KCNAB1: variants seen among roughly 807,000 people sequenced by gnomAD.
KCNAB1 encodes the protein voltage-gated potassium channel subunit beta-1.
In KCNAB1, 35 loss-of-function variants were observed where a neutral mutation model predicts 64.6. That is an observed-to-expected ratio of 0.54 (90% CI 0.41 to 0.72). The LOEUF (loss-of-function observed/expected upper bound fraction) is 0.72, where lower values mean the gene tolerates loss of function less well. Ranked by LOEUF, KCNAB1 falls within the 30% of genes least tolerant of loss-of-function variation. The pLI is 0.00. For synonymous variants in KCNAB1, 177 were observed against 183.8 expected (o/e 0.96, Z 0.30); for missense variants, 401 against 512.9 (o/e 0.78, Z 2.11).
intron 13 of KCNAB1, 82 bp downstream of exon 13, chr3:156,531,579 C>A (rs556893817): frequency 2.9e-6 from 3 of 1,020,844 alleles, no homozygotes; most frequent in South Asian, 1.3e-5. Flanking sequence ...CATCTCTCCC[C>A]CTCTCTGTCC....
chr3:156,239,252 G>T (rs1352372306), intron 1 of KCNAB1, among the ~76,000 whole-genome samples: 1 of 152,138 alleles, frequency 6.6e-6, no homozygotes. Flanking sequence ...TCTTTCTTGG[G>T]TATTTTGTGG....
intron 2 of KCNAB1, among the ~76,000 whole-genome samples, chr3:156,450,850 T>C (rs1359893221): frequency 7.0e-6 from 1 of 142,588 alleles, no homozygotes; most frequent in Non-Finnish European, 1.5e-5. Flanking sequence ...CTGGATACAC[T>C]TCCCATCCAC....
intron 1 of KCNAB1, among the ~76,000 whole-genome samples, chr3:156,158,532 G>GT (rs1039760662): frequency 2.4e-4 from 37 of 151,712 alleles, no homozygotes; most frequent in South Asian, 1.5e-3. Context: ...GATATAACTT[G>GT]TTTTTTTTGC....
At chr3:156,162,615 G>A (rs1181785749) in intron 1 of KCNAB1, among the ~76,000 whole-genome samples, 1 of 152,174 alleles carries the variant, frequency 6.6e-6, no homozygotes, top group African/African-American at 2.4e-5. Context: ...ATAGACCTGT[G>A]ATGTCTGTGA....
chr3:156,225,729 A>C (rs992019019), intron 1 of KCNAB1, among the ~76,000 whole-genome samples: 2 of 152,222 alleles, frequency 1.3e-5, no homozygotes, highest in Non-Finnish European at 2.9e-5. Flanking sequence ...AAAGTTTCAG[A>C]ATACAAAATT....
intron 1 of KCNAB1, among the ~76,000 whole-genome samples, chr3:156,186,097 A>G (rs2108353639): frequency 6.6e-6 from 1 of 152,356 alleles, no homozygotes; most frequent in Middle Eastern, 3.4e-3. Context: ...TCAATTGGCC[A>G]CAAGTCTCCA....
chr3:156,306,293 G>C (rs534686016), intron 1 of KCNAB1, among the ~76,000 whole-genome samples: 48 of 152,256 alleles, frequency 3.2e-4, no homozygotes, highest in Admixed American at 5.9e-4. Context: ...GTAGCCAGGA[G>C]ACTGAATAGT....
chr3:156,252,826 C>A (rs546084074), intron 1 of KCNAB1, among the ~76,000 whole-genome samples: 1 of 152,158 alleles, frequency 6.6e-6, no homozygotes, highest in Non-Finnish European at 1.5e-5. Context: ...CTTTCCAACG[C>A]GCATTGTCTT....
intron 1 of KCNAB1, chr3:156,227,975 A>G (rs1189958499): frequency 6.6e-6 from 1 of 152,372 alleles, no homozygotes; most frequent in Non-Finnish European, 1.5e-5. Flanking sequence ...GTGGAATCCT[A>G]GAGGCACGGG....
Position 156,474,813 on chromosome 3 carries a change from C to T in KCNAB1, c.651C>T (p.Pro217=), listed in dbSNP as rs148650202. 31 of 1,611,204 alleles carry T rather than the reference C, an allele frequency of 1.9e-5. No homozygotes were observed. The Middle Eastern group carries it at 9.9e-4, about 51-fold the overall frequency. Residue 217 remains proline (P), a synonymous_variant, in exon 8 of 14, where the codon CCC becomes CCT. Coordinates refer to ENST00000490337, the MANE Select transcript of KCNAB1 (RefSeq NM_172160.3). ...CAAATCGACCGGACAGTAACACTCCCATGGAAGGTAAGTTAAGAAAGCTAA... is the reference window on the plus strand; with the variant it reads ...CAAATCGACCGGACAGTAACACTCCTATGGAAGGTAAGTTAAGAAAGCTAA... ...VFANRPDSNT[P]MEEIVRAMTH... is the part of the protein sequence containing the mutation.
chr3:156,314,323 A>G (rs982869828), intron 1 of KCNAB1, among the ~76,000 whole-genome samples: 1 of 152,218 alleles, frequency 6.6e-6, no homozygotes, highest in African/African-American at 2.4e-5. Flanking sequence ...TTGGGTTGTT[A>G]CTATGTGTCA....
At chr3:156,527,189 TA>T (rs952030440) in intron 12 of KCNAB1, among the ~76,000 whole-genome samples, 1 of 152,228 alleles carries the variant, frequency 6.6e-6, no homozygotes, top group African/African-American at 2.4e-5. Context: ...TTAGCAACTC[TA>T]CAGCTTTAAC....
intron 1 of KCNAB1, chr3:156,217,067 G>A (rs1167333745): frequency 1.3e-5 from 2 of 152,164 alleles, no homozygotes; most frequent in East Asian, 3.8e-4. Context: ...GAGTGTCAAG[G>A]CCAGGTGACT....
At chr3:156,411,228 A>G (rs189346624) in intron 1 of KCNAB1, among the ~76,000 whole-genome samples, 68 of 152,142 alleles carry the variant, frequency 4.5e-4, no homozygotes, top group African/African-American at 1.5e-3. Flanking sequence ...TTTGCCATCA[A>G]ATGTCTTCTT....
At chr3:156,138,721 A>G (rs956573671) in intron 1 of KCNAB1, among the ~76,000 whole-genome samples, 1 of 152,224 alleles carries the variant, frequency 6.6e-6, no homozygotes, top group African/African-American at 2.4e-5. Context: ...TACACAGAAC[A>G]TCAGATGTAG....
chr3:156,312,154 A>G (rs1721952294), intron 1 of KCNAB1, among the ~76,000 whole-genome samples: 1 of 152,228 alleles, frequency 6.6e-6, no homozygotes, highest in African/African-American at 2.4e-5. Flanking sequence ...TGCAGTGTTA[A>G]ATTGGTTTTG....
rs144037930 is a variant in KCNAB1, at chr3:156,287,018, T to A, written c.276-134598T>A. Among the ~76,000 whole-genome samples, 4 of 152,200 alleles carry A rather than the reference T, an allele frequency of 2.6e-5. No homozygotes were observed. In the East Asian group the frequency reaches 7.7e-4, roughly 29 times the overall value. ...TTATCTCTCTGAGGATACTGAGGCTTAGGGAGGTTAAGCATCCTGCTAAAT... is the reference window on the plus strand; with the variant it reads ...TTATCTCTCTGAGGATACTGAGGCTAAGGGAGGTTAAGCATCCTGCTAAAT... On this transcript the variant is annotated intron_variant, in intron 1 of 13. Coordinates refer to ENST00000490337, the MANE Select transcript of KCNAB1 (RefSeq NM_172160.3).
chr3:156,514,416 G>T lies in KCNAB1; in HGVS notation c.711G>T (p.Trp237Cys), dbSNP rs1289285445. The change falls in exon 9 of 14, where the codon TGG (tryptophan) becomes TGT (cysteine). Residue 237 changes from tryptophan to cysteine, a missense_variant. Trp to Cys is a radical substitution (Grantham distance 215). Coordinates refer to ENST00000490337, the MANE Select transcript of KCNAB1 (RefSeq NM_172160.3). ...TAAACCAAGGCATGGCGATGTACTG[G>T]GGCACCTCGAGATGGAGTGCTATGG... ...HVINQGMAMY[W>C]GTSRWSAMEI... 6.2e-7 allele frequency: 1 copy of T among 1,613,992 alleles called. No individual in the cohort carries two copies. Among genetic ancestry groups the T allele is most frequent in the South Asian group, 1.1e-5 (1 of 91,080 alleles).
intron 1 of KCNAB1, among the ~76,000 whole-genome samples, chr3:156,288,988 A>G (rs1460415264): frequency 1.3e-5 from 2 of 151,906 alleles, no homozygotes; most frequent in African/African-American, 4.8e-5. Context: ...TCAATTATTT[A>G]TAGAGTGAGG....
Sources: allele counts gnomAD v4.1 joint callset (sites outside exome capture counted in the v4.1 genomes callset), GRCh38; gene constraint gnomAD v4.1.1; transcripts MANE v1.5; gene names NCBI Gene and HGNC (gene_info 2026-07-23, HGNC 2026-07-21).